EHD4: variants seen among roughly 807,000 people sequenced by gnomAD.
The protein encoded by EHD4 is EH domain containing 4.
In EHD4, 37 loss-of-function variants were observed where a neutral mutation model predicts 51.0. That is an observed-to-expected ratio of 0.73 (90% CI 0.56 to 0.95). The LOEUF is 0.95. Among genes scored for constraint, EHD4 ranks in the 40% least tolerant of loss-of-function variants. EHD4 has a pLI of 0.00. For missense variants in EHD4, 632 were observed against 733.1 expected, an observed-to-expected ratio of 0.86 and a Z score of 1.59; for synonymous variants, 297 against 317.3, an observed-to-expected ratio of 0.94 and a Z score of 0.68.
intron 1 of EHD4, among the ~76,000 whole-genome samples, chr15:41,962,625 T>C (rs1004725420): frequency 2.9e-4 from 44 of 151,150 alleles, no homozygotes; most frequent in African/African-American, 1.0e-3. Context: ...TAAAAAGTAA[T>C]CCTATTTTAA....
At chr15:41,935,076 G>A (rs769640749) in intron 3 of EHD4, among the ~76,000 whole-genome samples, 3 of 152,004 alleles carry the variant, frequency 2.0e-5, no homozygotes, top group Non-Finnish European at 2.9e-5. Flanking sequence ...TGCCTTCCCC[G>A]AATCTGCCAG....
At chr15:41,911,891 G>T (rs1036713558) in intron 4 of EHD4, among the ~76,000 whole-genome samples, 7 of 152,100 alleles carry the variant, frequency 4.6e-5, no homozygotes, top group African/African-American at 1.7e-4. Context: ...GCTCAGGGAG[G>T]GCTTAGTTCC....
At chr15:41,962,699 C>T (rs995810566) in intron 1 of EHD4, among the ~76,000 whole-genome samples, 2 of 152,028 alleles carry the variant, frequency 1.3e-5, no homozygotes, top group Non-Finnish European at 2.9e-5. Context: ...ACCCGGCCGC[C>T]GCCCCGTCTG....
intron 1 of EHD4, among the ~76,000 whole-genome samples, chr15:41,959,886 C>T (rs1346397861): frequency 6.6e-6 from 1 of 150,428 alleles, no homozygotes; most frequent in East Asian, 2.0e-4. Flanking sequence ...AGGAGAATTG[C>T]TTGAACCTGG....
chr15:41,947,453 T>C (rs2067823239), intron 2 of EHD4, among the ~76,000 whole-genome samples: 1 of 152,230 alleles, frequency 6.6e-6, no homozygotes, highest in African/African-American at 2.4e-5. Context: ...GGTTTGCCAT[T>C]AGGTTCAAAT....
In EHD4 at chr15:41,910,369, GA is replaced by G. The variant is rs140267050; in HGVS notation, c.925-507del. ...GTGGAATTAAAGTCATTCTGCACAA[GA>G]CCAGCTGCCTGGGATCAGGCTGGAT... On this transcript the variant is annotated intron_variant, in intron 4 of 5. Transcript: ENST00000220325. Among the ~76,000 whole-genome samples, 30 of 152,290 alleles carry G rather than the reference GA, an allele frequency of 2.0e-4. No homozygotes were observed. The East Asian group carries it at 5.8e-3, about 29-fold the overall frequency.
At chr15:41,943,295 G>T in intron 2 of EHD4, 131 bp from the exon 3 acceptor site, 1 of 634,836 alleles carries the variant, frequency 1.6e-6, no homozygotes, top group Non-Finnish European at 2.7e-6. Flanking sequence ...GACAGAAACT[G>T]AGGATGCCTA....
At chr15:41,964,085 C>G (rs901879298) in intron 1 of EHD4, among the ~76,000 whole-genome samples, 5 of 134,312 alleles carry the variant, frequency 3.7e-5, no homozygotes, top group African/African-American at 1.4e-4. Context: ...GCAGAGCTTG[C>G]AGTGAGCTGA....
rs1488542323 is a variant in EHD4 at position 41,972,333 on chromosome 15, C to G, written c.162G>C (p.Glu54Asp). The G allele has an allele frequency of 6.2e-7, 1 of 1,611,436 alleles. No individual in the cohort carries two copies. The change falls in exon 1 of 6, where the codon GAG becomes GAC. Residue 54 changes from glutamate (E) to aspartate (D), a missense_variant. By Grantham distance (45) the Glu-to-Asp change is conservative. Transcript: ENST00000220325. ...TGGGCTTGTTCTCGAAGTCGGCGTCCTCCAGCGCAGGCGAGTGGAACTCGT... is the reference window on the plus strand; with the variant it reads ...TGGGCTTGTTCTCGAAGTCGGCGTCGTCCAGCGCAGGCGAGTGGAACTCGT... ...RFHEFHSPAL[E>D]DADFENKPMI...
chr15:41,900,915 G>A lies in EHD4; in HGVS notation c.1356C>T (p.Asp452=), dbSNP rs746033503. The A allele has an allele frequency of 1.1e-5, 17 of 1,613,992 alleles. No individual in the cohort carries two copies. Among genetic ancestry groups the A allele is most frequent in the Admixed American group, 3.3e-5 (2 of 59,984 alleles). Residue 452 remains aspartate (D), a synonymous_variant, in exon 6 of 6, where the codon GAC becomes GAT. Transcript: ENST00000220325. The surrounding 1 kb of genome is among the most constrained non-coding windows in gnomAD (Gnocchi z 4.8). Reference sequence around the variant, plus strand: ...TGGGCGACAGAGTGTAGAAGAGCTCGTCGTAGACGGGCTTGTCTTTGGCCA... The same window carrying A: ...TGGGCGACAGAGTGTAGAAGAGCTCATCGTAGACGGGCTTGTCTTTGGCCA... ...WVVAKDKPVY[D]ELFYTLSPIN...
chr15:41,932,294 C>G (rs758972206), intron 3 of EHD4, among the ~76,000 whole-genome samples: 1 of 152,166 alleles, frequency 6.6e-6, no homozygotes. Flanking sequence ...CAGGGCTCCA[C>G]GTGAGTGGGC....
intron 3 of EHD4, among the ~76,000 whole-genome samples, chr15:41,922,160 G>A (rs951796825): frequency 9.8e-5 from 15 of 152,300 alleles, no homozygotes; most frequent in Middle Eastern, 3.4e-3. Context: ...AGGCAGAGGC[G>A]GGAGGATTGT....
At chr15:41,909,888 G>C (rs142980149) in intron 4 of EHD4, 25 bp from the exon 5 acceptor site, 98 of 1,613,200 alleles carry the variant, frequency 6.1e-5, no homozygotes, top group Non-Finnish European at 7.9e-5. Context: ...ATCAGGCAGG[G>C]AAGTGTCATT....
At chr15:41,949,051 T>TATATATACAC (rs1491135423) in intron 2 of EHD4, among the ~76,000 whole-genome samples, 1,222 of 109,000 alleles carry the variant, frequency 0.011, 31 homozygotes, top group African/African-American at 0.043. Flanking sequence ...TATATATATA[T>TATATATACAC]ACACACATAC....
intron 4 of EHD4, among the ~76,000 whole-genome samples, chr15:41,916,742 T>G (rs999064024): frequency 6.6e-6 from 1 of 152,250 alleles, no homozygotes; most frequent in Admixed American, 6.5e-5. Flanking sequence ...GCCCGCTTCC[T>G]GTCCCCGTTC....
rs2067897842 is a variant in EHD4 at position 41,957,857 on chromosome 15, G to A, written c.237-3917C>T. Among the ~76,000 whole-genome samples, 4 of 152,194 alleles carry A rather than the reference G, an allele frequency of 2.6e-5. No individual in the cohort carries two copies. The South Asian group carries it at 8.3e-4, about 32-fold the overall frequency. On this transcript the variant is annotated intron_variant, in intron 1 of 5. Transcript: ENST00000220325. ...CATGTCAGTGCAGTGAGGGAACTCG[G>A]AACAACCAAGACACCAAGTATCTGA...
At chr15:41,960,755 C>G (rs543036987) in intron 1 of EHD4, among the ~76,000 whole-genome samples, 1 of 149,810 alleles carries the variant, frequency 6.7e-6, no homozygotes, top group Non-Finnish European at 1.5e-5. Context: ...CTCACTGCAA[C>G]CTCTGCCTCC....
chr15:41,940,230 G>A (rs1378243651), intron 3 of EHD4, among the ~76,000 whole-genome samples: 1 of 152,126 alleles, frequency 6.6e-6, no homozygotes, highest in African/African-American at 2.4e-5. Context: ...GCCCATAAGG[G>A]AGGCAAAGAC....
Position 41,900,890 on chromosome 15 carries a change from T to A in EHD4, c.1381A>T (p.Ile461Phe), listed in dbSNP as rs201079226. The A allele has an allele frequency of 9.7e-5, 157 of 1,614,158 alleles. 1 individual carries two copies. The East Asian group carries it at 3.3e-3, about 34-fold the overall frequency. Residue 461 changes from isoleucine to phenylalanine, a missense_variant, in exon 6 of 6, where the codon ATC becomes TTC. Ile to Phe is a conservative substitution (Grantham distance 21). Transcript: ENST00000220325. The surrounding 1 kb of genome is among the most constrained non-coding windows in gnomAD (Gnocchi z 4.8). ...TTGACACCTGATATCTTGCCATTGA[T>A]GGGCGACAGAGTGTAGAAGAGCTCG... ...YDELFYTLSPINGKISGVNAK... is the reference protein window; with the variant it reads ...YDELFYTLSPFNGKISGVNAK...
Sources: gnomAD v4.1 joint callset for allele counts (sites outside exome capture counted in the v4.1 genomes callset) on GRCh38, gnomAD v4.1.1 for gene constraint, Gnocchi (gnomAD v3.1) non-coding constraint, MANE v1.5 for transcripts, NCBI Gene and HGNC (gene_info 2026-07-23, HGNC 2026-07-21) for gene names.